LRRK1: variants seen among roughly 807,000 people sequenced by gnomAD.
The protein encoded by LRRK1 is leucine rich repeat kinase 1.
LRRK1 carries 113 observed loss-of-function variants against 209.1 expected under a neutral mutation model. The ratio of observed to expected loss-of-function variants is 0.54; its 90% CI spans 0.46 to 0.63. The LOEUF (loss-of-function observed/expected upper bound fraction) is 0.63, where lower values mean the gene tolerates loss of function less well. Ranked by LOEUF, LRRK1 falls within the 30% of genes least tolerant of loss-of-function variation. The pLI is 0.00. For synonymous variants in LRRK1, 1,144 were observed against 1,099.7 expected, an observed-to-expected ratio of 1.04 and a Z score of -0.80; for missense variants, 2,284 against 2,632.2, an observed-to-expected ratio of 0.87 and a Z score of 2.89.
At chr15:101,060,883 G>C (rs1010467856) in intron 29 of LRRK1, among the ~76,000 whole-genome samples, 2 of 152,268 alleles carry the variant, frequency 1.3e-5, no homozygotes, top group African/African-American at 4.8e-5. Context: ...GGGCGGGCAG[G>C]ATATGGCCGG....
intron 20 of LRRK1, among the ~76,000 whole-genome samples, chr15:101,036,690 C>T (rs551022358): frequency 1.9e-4 from 29 of 151,788 alleles, no homozygotes; most frequent in Admixed American, 4.6e-4. Context: ...TTTCATGTTT[C>T]CTGTGTCCTT....
intron 11 of LRRK1, 111 bp downstream of exon 11, chr15:101,014,539 G>A (rs1196234230): frequency 2.8e-6 from 2 of 726,954 alleles, no homozygotes; most frequent in Non-Finnish European, 4.8e-6. Flanking sequence ...TGAGCCGCCA[G>A]CTGGGGGCTT....
chr15:101,009,112 G>A (rs147565754), intron 7 of LRRK1, 49 bp downstream of exon 7: 93 of 1,389,018 alleles, frequency 6.7e-5, no homozygotes, highest in Non-Finnish European at 8.5e-5. Flanking sequence ...CGCTGTCACC[G>A]TTGTGCTCCT....
chr15:101,065,204 T>C (rs970052252), intron 31 of LRRK1, 148 bp from the exon 32 acceptor site: 9 of 853,294 alleles, frequency 1.1e-5, no homozygotes, highest in East Asian at 7.5e-5. Flanking sequence ...AGCCCCGGCC[T>C]TTCTAAGAGA....
rs1161093603 is a variant in LRRK1, at chr15:101,070,357, A to AGGG, written c.*1512_*1514dup. On this transcript the variant is annotated 3_prime_UTR_variant, in exon 34 of 34. Coordinates refer to ENST00000388948, the MANE Select transcript of LRRK1 (RefSeq NM_024652.6). ...TTTACCAACCTGGGCACCAAGTCCC[A>AGGG]GGGGGCTGAGGGTCTGTGCTTCCTG... 1 of 126,710 alleles carries AGGG rather than the reference A, an allele frequency of 7.9e-6. No individual in the cohort carries two copies. Among genetic ancestry groups the AGGG allele is most frequent in the Non-Finnish European group, 1.6e-5 (1 of 62,810 alleles). 7.8% of individuals were successfully genotyped at this position (126,710 alleles called of 1,614,324 possible). A position where few individuals can be genotyped will look rare whatever the true frequency, so the allele number is the denominator to read the frequency against.
At chr15:100,929,927 G>A (rs983558913) in intron 2 of LRRK1, among the ~76,000 whole-genome samples, 2 of 152,266 alleles carry the variant, frequency 1.3e-5, no homozygotes, top group African/African-American at 4.8e-5. Context: ...CATGCAGGTG[G>A]CAGTTAGCAC....
chr15:101,023,308 G>A (rs894702676), intron 15 of LRRK1, among the ~76,000 whole-genome samples: 3 of 152,090 alleles, frequency 2.0e-5, no homozygotes, highest in Non-Finnish European at 2.9e-5. Flanking sequence ...CCAGCCTGGC[G>A]ACAGAGCAAG....
At chr15:100,973,713 C>G (rs1423675713) in intron 2 of LRRK1, 91 bp from the exon 3 acceptor site, 17 of 1,187,730 alleles carry the variant, frequency 1.4e-5, no homozygotes, top group Non-Finnish European at 1.7e-5. Context: ...TGCAACGGGC[C>G]GCGCCGCCTC....
At chr15:101,010,240 G>A (rs1304865995) in intron 7 of LRRK1, among the ~76,000 whole-genome samples, 2 of 152,186 alleles carry the variant, frequency 1.3e-5, no homozygotes, top group Admixed American at 6.5e-5. Context: ...AGGGCCCACC[G>A]ATGAGAGGTT....
Position 101,068,657 on chromosome 15 carries a change from C to T in LRRK1, c.5871-14C>T, listed in dbSNP as rs763417231. On this transcript the variant is annotated splice_polypyrimidine_tract_variant and intron_variant, in intron 33 of 33. Transcript: ENST00000388948. ...AACCCCTGTGAGTTTCCTCAGACCC[C>T]CTTCTCTCTGCAGGGTGCTGGTGGA... is the stretch of plus-strand genomic sequence containing the variant. 4 of 1,564,844 alleles carry T rather than the reference C, an allele frequency of 2.6e-6. 1 individual carries two copies. Among genetic ancestry groups the T allele is most frequent in the South Asian group, 2.4e-5 (2 of 83,894 alleles).
In LRRK1 at chr15:101,021,147, C is replaced by T. The variant is rs2033764863; in HGVS notation, c.1704C>T (p.Cys568=). 6.2e-7 allele frequency: 1 copy of T among 1,614,106 alleles called. No homozygotes were observed. ...TCGACACAGTCCCTCCCTCGGTTTG[C>T]CTACTGAAGAGCTTATCAGAGCTCT... is the stretch of plus-strand genomic sequence containing the variant. ...NHLDTVPPSV[C]LLKSLSELYL... is the part of the protein sequence containing the mutation. The change falls in exon 13 of 34, where the codon TGC becomes TGT. Residue 568 remains cysteine (C), a synonymous_variant. Coordinates refer to ENST00000388948, the MANE Select transcript of LRRK1 (RefSeq NM_024652.6).
Position 101,010,453 on chromosome 15 carries a change from A to G in LRRK1, c.993A>G (p.Leu331=). 1 of 1,610,082 alleles carries G rather than the reference A, an allele frequency of 6.2e-7. No homozygotes were observed. Among genetic ancestry groups the G allele is most frequent in the Non-Finnish European group, 8.5e-7 (1 of 1,178,944 alleles). The change falls in exon 8 of 34, where the codon CTA becomes CTG. Residue 331 remains leucine (L), a synonymous_variant. Transcript: ENST00000388948. ...CCTTCCTTCTTCTCCATCGCAGGCT[A>G]CTTGAAATTGACATTTCCAGCAACA... ...QSSDEIICSR[L]LEIDISSNKL...
At position 101,061,273 on chromosome 15, in the gene LRRK1, G is replaced by T; in HGVS notation, c.4782G>T (p.Leu1594=). ...GCCAGCTCCAGGTCCAGAGATCCCTGTGGACAGCCACCGAGGTAAGCACTG... is the reference window on the plus strand; with the variant it reads ...GCCAGCTCCAGGTCCAGAGATCCCTTTGGACAGCCACCGAGGTAAGCACTG... ...VSCQLQVQRS[L]WTATEDQKIY... is the part of the protein sequence containing the mutation. Residue 1594 remains leucine (L), a synonymous_variant, in exon 30 of 34, where the codon CTG becomes CTT. Transcript: ENST00000388948. The T allele has an allele frequency of 6.2e-7, 1 of 1,613,066 alleles. No individual in the cohort carries two copies. The highest frequency in any genetic ancestry group is 8.5e-7 in the Non-Finnish European group (1 of 1,179,142).
At chr15:100,926,978 C>A (rs1475005679) in intron 2 of LRRK1, among the ~76,000 whole-genome samples, 1 of 152,202 alleles carries the variant, frequency 6.6e-6, no homozygotes, top group African/African-American at 2.4e-5. Context: ...AGCCACGGCG[C>A]CCGGCCAGCA....
intron 6 of LRRK1, among the ~76,000 whole-genome samples, chr15:101,006,372 T>TAAA (rs56053663): frequency 2.6e-5 from 3 of 114,420 alleles, no homozygotes; most frequent in Admixed American, 8.4e-5. Flanking sequence ...GACAATGTGA[T>TAAA]AAAAAAAAAA....
intron 23 of LRRK1, chr15:101,050,861 G>C (rs77858249): frequency 6.6e-6 from 1 of 152,370 alleles, no homozygotes; most frequent in East Asian, 1.9e-4. Context: ...GAGGCACTTG[G>C]CTGTCTAAGG....
intron 3 of LRRK1, among the ~76,000 whole-genome samples, chr15:100,983,111 G>C (rs1406467373): frequency 6.6e-6 from 1 of 152,188 alleles, no homozygotes; most frequent in African/African-American, 2.4e-5. Flanking sequence ...GGAGGTCAAG[G>C]CTGCAGTGAG....
rs1321475816 is a variant in LRRK1, at chr15:101,022,371, G to C, written c.1853-12G>C. The C allele has an allele frequency of 1.9e-6, 3 of 1,613,176 alleles. No individual in the cohort carries two copies. In the African/African-American group the frequency reaches 4.0e-5, roughly 21 times the overall value. ...CCACGCAGCTACCCTTCCCCTTAAT[G>C]ATTTTGCACAGGCCCCAAAGCAATG... is the stretch of plus-strand genomic sequence containing the variant. On this transcript the variant is annotated splice_polypyrimidine_tract_variant and intron_variant, in intron 14 of 33. Coordinates refer to ENST00000388948, the MANE Select transcript of LRRK1 (RefSeq NM_024652.6). The surrounding 1 kb of genome is among the most constrained non-coding windows in gnomAD (Gnocchi z 4.0).
intron 6 of LRRK1, among the ~76,000 whole-genome samples, chr15:101,001,785 G>A (rs976099392): frequency 5.3e-5 from 8 of 152,144 alleles, no homozygotes; most frequent in African/African-American, 9.7e-5. Flanking sequence ...AGGGATCTAC[G>A]GTTTCTAGGG....
Sources: allele counts gnomAD v4.1 joint callset (sites outside exome capture counted in the v4.1 genomes callset), GRCh38; gene constraint gnomAD v4.1.1; non-coding constraint Gnocchi (gnomAD v3.1); transcripts MANE v1.5; gene names NCBI Gene and HGNC (gene_info 2026-07-23, HGNC 2026-07-21).